Variants in DCDC2C observed in about 807,000 individuals in gnomAD.
DCDC2C encodes doublecortin domain containing 2C.
A neutral mutation model predicts 45.0 loss-of-function variants in DCDC2C; 44 were observed. That is an observed-to-expected ratio of 0.98 (90% CI 0.77 to 1.26). DCDC2C has a LOEUF of 1.26. DCDC2C is among the 50% of genes most tolerant of loss of function. The pLI, the probability that DCDC2C is intolerant of heterozygous loss-of-function variation, is 0.00. For synonymous variants in DCDC2C, 187 were observed against 178.8 expected (o/e 1.05, Z -0.37); for missense variants, 447 against 468.9 (o/e 0.95, Z 0.43).
At chr2:3,746,118 C>T (rs1296066143) in intron 4 of DCDC2C, among the ~76,000 whole-genome samples, 1 of 152,114 alleles carries the variant, frequency 6.6e-6, no homozygotes, top group Non-Finnish European at 1.5e-5. Context: ...CAGCCATGAG[C>T]AGAGCAGTCT....
rs1003204831 is a variant in DCDC2C at position 3,761,588 on chromosome 2, A to G, written c.727-6166A>G. 3.9e-5 allele frequency among the ~76,000 whole-genome samples: 6 copies of G among 152,226 alleles called. No homozygotes were observed. Among genetic ancestry groups the G allele is most frequent in the Non-Finnish European group, 1.5e-5 (1 of 68,038 alleles). On this transcript the variant is annotated intron_variant, in intron 6 of 10. Coordinates refer to ENST00000399143, the MANE Select transcript of DCDC2C (RefSeq NM_001287444.2). The surrounding 1 kb of genome is among the most constrained non-coding windows in gnomAD (Gnocchi z 4.3). ...ATTGTCATCTTTTAGCAGCCTGAGG[A>G]TGCAACAGCCAGGTTCAATGTTAGC...
At chr2:3,842,948 G>C (rs533118313) in intron 10 of DCDC2C, among the ~76,000 whole-genome samples, 1 of 152,320 alleles carries the variant, frequency 6.6e-6, no homozygotes, top group South Asian at 2.1e-4. Flanking sequence ...GCTGTTCTCT[G>C]TCTGGTAACA....
At chr2:3,844,200 A>G (rs1466220810) in intron 10 of DCDC2C, 1 of 152,470 alleles carries the variant, frequency 6.6e-6, no homozygotes, top group Non-Finnish European at 1.5e-5. Context: ...AGACAAGAAG[A>G]ATAAACACCT....
intron 10 of DCDC2C, among the ~76,000 whole-genome samples, chr2:3,800,173 A>G (rs1326578600): frequency 6.6e-6 from 1 of 151,968 alleles, no homozygotes; most frequent in Non-Finnish European, 1.5e-5. Context: ...AGGAAAGGGA[A>G]CTCCCTGACC....
At chr2:3,706,419 A>G (rs1447587996) in intron 1 of DCDC2C, among the ~76,000 whole-genome samples, 1 of 152,204 alleles carries the variant, frequency 6.6e-6, no homozygotes, top group East Asian at 1.9e-4. Context: ...ACAAAATATT[A>G]TAAGATAATA....
intron 10 of DCDC2C, among the ~76,000 whole-genome samples, chr2:3,793,994 T>C (rs867141199): frequency 3.3e-5 from 5 of 152,258 alleles, no homozygotes; most frequent in Non-Finnish European, 7.3e-5. Flanking sequence ...TCTTTGGTAC[T>C]ACACCAAAAC....
chr2:3,817,268 G>A (rs1164932610), intron 10 of DCDC2C, among the ~76,000 whole-genome samples: 1 of 152,198 alleles, frequency 6.6e-6, no homozygotes, highest in African/African-American at 2.4e-5. Context: ...AAGCGGCCTT[G>A]AGAAGAGTTT....
chr2:3,718,292 C>G (rs1158995751), intron 2 of DCDC2C, among the ~76,000 whole-genome samples: 1 of 152,208 alleles, frequency 6.6e-6, no homozygotes, highest in Non-Finnish European at 1.5e-5. Context: ...TGAGGTCTTG[C>G]TTCTGAGTGG....
At chr2:3,790,386 C>T (rs1670772417) in intron 10 of DCDC2C, among the ~76,000 whole-genome samples, 1 of 152,226 alleles carries the variant, frequency 6.6e-6, no homozygotes, top group Non-Finnish European at 1.5e-5. Context: ...CCATCGCCTG[C>T]AGCTACTGAT....
Position 3,752,885 on chromosome 2 carries a change from C to A in DCDC2C, c.668C>A (p.Pro223His), listed in dbSNP as rs1669583541. ...CCTTACTGGAAGTCTCCAAGGGTGC[C>A]CAGTGAGGTCCAACAGTGAGCATGC... Reference protein sequence around the residue: ...YFPYWKSPRVPSEVQQRYANV... With the variant: ...YFPYWKSPRVHSEVQQRYANV... The change falls in exon 5 of 11, where the codon CCC becomes CAC. Residue 223 changes from proline (P) to histidine (H), a missense_variant. Physicochemically the swap from Pro to His is moderately conservative, Grantham distance 77. Transcript: ENST00000399143. 2 of 1,550,292 alleles carry A rather than the reference C, an allele frequency of 1.3e-6. No homozygotes were observed. Among genetic ancestry groups the A allele is most frequent in the African/African-American group, 1.4e-5 (1 of 73,016 alleles).
intron 6 of DCDC2C, among the ~76,000 whole-genome samples, chr2:3,766,035 C>T (rs1670002791): frequency 6.6e-6 from 1 of 152,134 alleles, no homozygotes; most frequent in Non-Finnish European, 1.5e-5. Context: ...CTCCTGTTTG[C>T]CCAGCCATCC....
At chr2:3,737,815 G>A (rs1669074735) in intron 3 of DCDC2C, among the ~76,000 whole-genome samples, 1 of 152,164 alleles carries the variant, frequency 6.6e-6, no homozygotes, top group Non-Finnish European at 1.5e-5. Context: ...GGACCTATAT[G>A]CTACTTCCCA....
intron 3 of DCDC2C, among the ~76,000 whole-genome samples, chr2:3,735,227 T>C (rs1242810933): frequency 3.3e-5 from 5 of 151,924 alleles, no homozygotes; most frequent in Non-Finnish European, 7.4e-5. Context: ...GTAACTTTCT[T>C]TTTTTTATTT....
chr2:3,808,920 A>G (rs536079603), intron 10 of DCDC2C, among the ~76,000 whole-genome samples: 1 of 152,138 alleles, frequency 6.6e-6, no homozygotes, highest in Non-Finnish European at 1.5e-5. Context: ...GTTAATTTTT[A>G]TAGGTAGTGC....
At chr2:3,763,520 C>G (rs1045046981) in intron 6 of DCDC2C, among the ~76,000 whole-genome samples, 33 of 152,242 alleles carry the variant, frequency 2.2e-4, no homozygotes, top group African/African-American at 8.0e-4. Flanking sequence ...TTGTTCAGCT[C>G]TGTGTCACCA....
chr2:3,719,064 A>G (rs959287685), intron 2 of DCDC2C, among the ~76,000 whole-genome samples: 1 of 150,260 alleles, frequency 6.7e-6, no homozygotes, highest in African/African-American at 2.4e-5. Context: ...GCCTTACAAA[A>G]TCCTGCAGGC....
chr2:3,742,315 C>T lies in DCDC2C; in HGVS notation c.545+267C>T, dbSNP rs569354918. ...AGCATTGCAAAAAAGAGTCTTGCTC[C>T]CTGAAACCCCTATTGAGTGGGCCGA... is the stretch of plus-strand genomic sequence containing the variant. On this transcript the variant is annotated intron_variant, in intron 4 of 10. Coordinates refer to ENST00000399143, the MANE Select transcript of DCDC2C (RefSeq NM_001287444.2). 2.0e-5 allele frequency among the ~76,000 whole-genome samples: 3 copies of T among 152,282 alleles called. No individual in the cohort carries two copies. In the East Asian group the frequency reaches 5.8e-4, roughly 29 times the overall value.
At chr2:3,735,364 T>C (rs931898777) in intron 3 of DCDC2C, among the ~76,000 whole-genome samples, 2 of 152,112 alleles carry the variant, frequency 1.3e-5, no homozygotes, top group Non-Finnish European at 2.9e-5. Flanking sequence ...GCTGCACCCA[T>C]TAACTCATCA....
intron 4 of DCDC2C, 69 bp from the exon 5 acceptor site, chr2:3,752,694 A>C: frequency 6.6e-7 from 1 of 1,522,668 alleles, no homozygotes; most frequent in Non-Finnish European, 8.9e-7. Flanking sequence ...TAGTGTATGC[A>C]CAAATACCCC....
Sources: allele counts gnomAD v4.1 joint callset (sites outside exome capture counted in the v4.1 genomes callset), GRCh38; gene constraint gnomAD v4.1.1; non-coding constraint Gnocchi (gnomAD v3.1); transcripts MANE v1.5; gene names NCBI Gene and HGNC (gene_info 2026-07-23, HGNC 2026-07-21).